SPAG1: variants seen among roughly 807,000 people sequenced by gnomAD.
SPAG1 encodes sperm associated antigen 1, also known as sperm-associated antigen 1.
A neutral mutation model predicts 100.5 loss-of-function variants in SPAG1; 69 were observed. That is an observed-to-expected ratio of 0.69 (90% confidence interval 0.57 to 0.84). The LOEUF is 0.84. Among genes scored for constraint, SPAG1 ranks in the 40% least tolerant of loss-of-function variants. The probability of loss-of-function intolerance (pLI) is 0.00; values close to 1 mark genes in which losing one functional copy is unlikely to be tolerated. For missense variants in SPAG1, 955 were observed against 1,133.1 expected, an observed-to-expected ratio of 0.84 and a Z score of 2.26; for synonymous variants, 336 against 411.6, an observed-to-expected ratio of 0.82 and a Z score of 2.22.
At chr8:100,222,978 G>A (rs1297346135) in intron 13 of SPAG1, among the ~76,000 whole-genome samples, 1 of 152,072 alleles carries the variant, frequency 6.6e-6, no homozygotes, top group Non-Finnish European at 1.5e-5. Context: ...TGTCTCTACG[G>A]GTTTATCTGT....
chr8:100,181,889 T>G (rs940924903), intron 4 of SPAG1, among the ~76,000 whole-genome samples: 1 of 152,336 alleles, frequency 6.6e-6, no homozygotes, highest in South Asian at 2.1e-4. Context: ...ATTCAACCCA[T>G]AACATCATCT....
rs187404344 is a variant in SPAG1, at chr8:100,165,355, C to G, written c.141-459C>G. 14 of 497,612 alleles carry G rather than the reference C, an allele frequency of 2.8e-5. No individual in the cohort carries two copies. The Admixed American group carries it at 2.8e-4, about 10-fold the overall frequency. The allele number at this position is 497,612 out of a possible 1,614,324, so 30.8% of individuals were successfully genotyped here. Reference sequence around the variant, plus strand: ...ATAATTGCACTTCTTGCAGCAGGAACTTGAAATTCTTCTGTTGCAAACTGT... The same window carrying G: ...ATAATTGCACTTCTTGCAGCAGGAAGTTGAAATTCTTCTGTTGCAAACTGT... On this transcript the variant is annotated intron_variant, in intron 2 of 18. Transcript: ENST00000388798.
intron 8 of SPAG1, among the ~76,000 whole-genome samples, chr8:100,187,914 G>A (rs893334033): frequency 5.3e-5 from 8 of 152,006 alleles, no homozygotes; most frequent in East Asian, 1.9e-4. Context: ...GTGCAGTGGC[G>A]TGATCTCGGC....
chr8:100,165,154 A>G (rs1010067399), intron 2 of SPAG1: 2 of 408,764 alleles, frequency 4.9e-6, no homozygotes, highest in African/African-American at 4.2e-5. Flanking sequence ...CCTGATTTCA[A>G]TTTTACAGCA....
At chr8:100,213,540 T>C in intron 11 of SPAG1, 112 bp downstream of exon 11, 2 of 863,468 alleles carry the variant, frequency 2.3e-6, no homozygotes, top group Non-Finnish European at 3.1e-6. Context: ...GGCGCCGGCA[T>C]CGCTGCATTC....
At position 100,204,512 on chromosome 8, in the gene SPAG1, T is replaced by TA. The variant is rs34784426; in HGVS notation, c.1097-8566dup. ...CTTTTAATGTTGCAGCTTGGAGAGT[T>TA]AAAAAAAAAAAAGGTTATAATAGAT... On this transcript the variant is annotated intron_variant, in intron 10 of 18. Transcript: ENST00000388798. Among the ~76,000 whole-genome samples the TA allele has an allele frequency of 7.2e-3, 1,073 of 148,092 alleles. 16 individuals carry two copies. The highest frequency in any genetic ancestry group is 0.025 in the African/African-American group (999 of 40,024).
rs574907013 is a variant in SPAG1 at position 100,206,017 on chromosome 8, C to CAA, written c.1097-7036_1097-7035dup. Among the ~76,000 whole-genome samples, 53 of 77,346 alleles carry CAA rather than the reference C, an allele frequency of 6.9e-4. 5 individuals are homozygous for CAA. Among genetic ancestry groups the CAA allele is most frequent in the East Asian group, 9.3e-4 (3 of 3,242 alleles). 50.7% of individuals were successfully genotyped at this position (77,346 alleles called of 152,430 possible). On this transcript the variant is annotated intron_variant, in intron 10 of 18. Transcript: ENST00000388798. ...CTGGCGACAGAGTGAGACTCTGTCT[C>CAA]AAAAAAAAAAAAAAAAAAAAAAAAA... is the stretch of plus-strand genomic sequence containing the variant.
chr8:100,172,195 T>C (rs923410964), intron 3 of SPAG1, among the ~76,000 whole-genome samples: 1 of 152,258 alleles, frequency 6.6e-6, no homozygotes, highest in Non-Finnish European at 1.5e-5. Context: ...TTTAAATTTT[T>C]ATGCTATCCT....
At chr8:100,233,029 C>T (rs1167706944) in intron 15 of SPAG1, 7 of 270,136 alleles carry the variant, frequency 2.6e-5, no homozygotes, top group South Asian at 1.8e-4. Flanking sequence ...TTCTTAACTT[C>T]ATACTCTGGA....
Position 100,198,165 on chromosome 8 carries a change from A to G in SPAG1, c.1096+3897A>G, listed in dbSNP as rs145396669. Among the ~76,000 whole-genome samples, 969 of 152,258 alleles carry G rather than the reference A, an allele frequency of 6.4e-3. 11 individuals are homozygous for G. The highest frequency in any genetic ancestry group is 0.021 in the African/African-American group (889 of 41,550). On this transcript the variant is annotated intron_variant, in intron 10 of 18. Coordinates refer to ENST00000388798, the MANE Select transcript of SPAG1 (RefSeq NM_003114.5). Reference sequence around the variant, plus strand: ...TTGCTACTTAAAAATGAAAGCTAAGAAAATTAAAGTCACTCACAAACAGAA... The same window carrying G: ...TTGCTACTTAAAAATGAAAGCTAAGGAAATTAAAGTCACTCACAAACAGAA...
Position 100,240,550 on chromosome 8 carries a change from G to C in SPAG1, c.2428G>C (p.Gly810Arg), listed in dbSNP as rs928983732. 10 of 1,613,922 alleles carry C rather than the reference G, an allele frequency of 6.2e-6. No individual in the cohort carries two copies. The highest frequency in any genetic ancestry group is 6.8e-6 in the Non-Finnish European group (8 of 1,179,990). Residue 810 changes from glycine (G) to arginine (R), a missense_variant, in exon 18 of 19, where the codon GGT becomes CGT. Gly to Arg is a moderately radical substitution (Grantham distance 125). Coordinates refer to ENST00000388798, the MANE Select transcript of SPAG1 (RefSeq NM_003114.5). ...CAAGCCTAATAATGCCTATGAATTTGGTCAGATTATAAATGCTCTCAGTAC... is the reference window on the plus strand; with the variant it reads ...CAAGCCTAATAATGCCTATGAATTTCGTCAGATTATAAATGCTCTCAGTAC... Reference protein sequence around the residue: ...IAKPNNAYEFGQIINALSTRK... With the variant: ...IAKPNNAYEFRQIINALSTRK...
chr8:100,224,278 G>C (rs1004106657), intron 13 of SPAG1, among the ~76,000 whole-genome samples: 1 of 151,978 alleles, frequency 6.6e-6, no homozygotes, highest in Non-Finnish European at 1.5e-5. Context: ...GGCTGGGTGC[G>C]GTGGCTCACG....
chr8:100,229,737 G>A (rs970390231), intron 14 of SPAG1, among the ~76,000 whole-genome samples: 1 of 152,238 alleles, frequency 6.6e-6, no homozygotes, highest in Non-Finnish European at 1.5e-5. Flanking sequence ...TAGGGATAGT[G>A]TGTAATTCTG....
Position 100,213,416 on chromosome 8 carries a change from C to T in SPAG1, c.1423C>T (p.Leu475=). ...AGKYSAAIAL[L]EPAGSEIADD... ...CAAGTACTCGGCGGCAATCGCGCTC[C>T]TGGAGCCAGCAGGTAGGTGCGCCGC... The change falls in exon 11 of 19, where the codon CTG becomes TTG. Residue 475 remains leucine, a synonymous_variant. Transcript: ENST00000388798. The T allele has an allele frequency of 4.9e-6, 7 of 1,424,348 alleles. No homozygotes were observed. Among genetic ancestry groups the T allele is most frequent in the Non-Finnish European group, 6.4e-6 (7 of 1,089,776 alleles). The allele number at this position is 1,424,348 out of a possible 1,614,324, so 88.2% of individuals were successfully genotyped here. A position where few individuals can be genotyped will look rare whatever the true frequency, so the allele number is the denominator to read the frequency against.
chr8:100,191,333 T>C (rs1471401129), intron 8 of SPAG1, 57 bp from the exon 9 acceptor site: 11 of 1,223,584 alleles, frequency 9.0e-6, no homozygotes, highest in African/African-American at 3.0e-5. Flanking sequence ...GCCAAATATG[T>C]TGTAACCATA....
intron 4 of SPAG1, among the ~76,000 whole-genome samples, 190 bp from the exon 5 acceptor site, chr8:100,183,185 C>T (rs1340518697): frequency 3.3e-5 from 5 of 152,040 alleles, no homozygotes; most frequent in East Asian, 1.9e-4. Context: ...GTTGGCCAGG[C>T]GGGTCTGGAA....
chr8:100,233,606 A>G lies in SPAG1; in HGVS notation c.2115+69A>G, dbSNP rs1047960447. On this transcript the variant is annotated intron_variant, in intron 16 of 18. Coordinates refer to ENST00000388798, the MANE Select transcript of SPAG1 (RefSeq NM_003114.5). ...AAATCAAGTGGTTTTCACAAGCATA[A>G]ATCTCCAGATCTTGGGATGGGATTG... The G allele has an allele frequency of 1.2e-5, 17 of 1,447,694 alleles. No homozygotes were observed. The East Asian group carries it at 4.3e-4, about 36-fold the overall frequency. The allele number at this position is 1,447,694 out of a possible 1,614,324, so 89.7% of individuals were successfully genotyped here. A position where few individuals can be genotyped will look rare whatever the true frequency, so the allele number is the denominator to read the frequency against.
At chr8:100,191,675 A>G (rs1457518916) in intron 9 of SPAG1, among the ~76,000 whole-genome samples, 179 bp downstream of exon 9, 1 of 152,256 alleles carries the variant, frequency 6.6e-6, no homozygotes, top group African/African-American at 2.4e-5. Context: ...AGAAAGCAGA[A>G]TCTTAAAATT....
intron 7 of SPAG1, among the ~76,000 whole-genome samples, chr8:100,185,973 T>C (rs1816567526): frequency 6.6e-6 from 1 of 152,102 alleles, no homozygotes; most frequent in African/African-American, 2.4e-5. Flanking sequence ...TCTTCTTTTT[T>C]GAGGAGTCAT....
Sources: gnomAD v4.1 joint callset for allele counts (sites outside exome capture counted in the v4.1 genomes callset) on GRCh38, gnomAD v4.1.1 for gene constraint, MANE v1.5 for transcripts, NCBI Gene and HGNC (gene_info 2026-07-23, HGNC 2026-07-21) for gene names.